CLEC2B: variants seen among roughly 807,000 people sequenced by gnomAD.
CLEC2B encodes the protein C-type (calcium dependent, carbohydrate-recognition domain) lectin, superfamily member 2 (activation-induced).
Under a neutral mutation model 16.2 loss-of-function variants are expected in CLEC2B, and 14 were observed. That is an observed-to-expected ratio of 0.86 (90% CI 0.57 to 1.35). The LOEUF (loss-of-function observed/expected upper bound fraction) is 1.35, where lower values mean the gene tolerates loss of function less well. Among genes scored for constraint, CLEC2B ranks in the 40% most tolerant of loss-of-function variants. The pLI is 0.00. For missense variants in CLEC2B, 166 were observed against 182.3 expected, an observed-to-expected ratio of 0.91 and a Z score of 0.52; for synonymous variants, 42 against 55.8, an observed-to-expected ratio of 0.75 and a Z score of 1.10.
At chr12:9,868,321 C>T (rs954852863) in intron 1 of CLEC2B, among the ~76,000 whole-genome samples, 10 of 152,030 alleles carry the variant, frequency 6.6e-5, no homozygotes, top group African/African-American at 1.2e-4. Flanking sequence ...TCTCATTCCC[C>T]GCAAACCTGT....
intron 2 of CLEC2B, among the ~76,000 whole-genome samples, chr12:9,860,226 A>G (rs924439665): frequency 7.2e-5 from 11 of 151,870 alleles, no homozygotes; most frequent in Admixed American, 5.3e-4. Flanking sequence ...TTATTTTCAG[A>G]TAATGTAAAT....
intron 2 of CLEC2B, among the ~76,000 whole-genome samples, chr12:9,860,745 A>G (rs1357733146): frequency 6.6e-6 from 1 of 151,950 alleles, no homozygotes; most frequent in Non-Finnish European, 1.5e-5. Flanking sequence ...ACAGAATGAT[A>G]TAGATACAAA....
Position 9,853,343 on chromosome 12 carries a change from C to T in CLEC2B, c.407G>A (p.Cys136Tyr). ...GCAAATCCATTTTCTTTCGGTGTAA[C>T]ATCTAGCTGTTGCTGCACCATCATC... is the stretch of plus-strand genomic sequence containing the variant. The part of the protein sequence containing the change: ...LSDDGAATAR[C>Y]YTERKWICRK... Residue 136 changes from cysteine to tyrosine, a missense_variant, in exon 5 of 5, where the codon TGT becomes TAT. Coordinates refer to ENST00000228438, the MANE Select transcript of CLEC2B (RefSeq NM_005127.3). The T allele has an allele frequency of 1.2e-6, 2 of 1,614,006 alleles. No individual in the cohort carries two copies. Among genetic ancestry groups the T allele is most frequent in the South Asian group, 1.1e-5 (1 of 91,078 alleles).
rs528131459 is a variant in CLEC2B, at chr12:9,868,390, T to C, written c.-3+815A>G. Among the ~76,000 whole-genome samples, 5 of 152,174 alleles carry C rather than the reference T, an allele frequency of 3.3e-5. No homozygotes were observed. The South Asian group carries it at 6.2e-4, about 19-fold the overall frequency. ...TTAAAATACGGGAGGAAGGATAAAG[T>C]GTGCATTCTATTGTACCACAGCAAT... On this transcript the variant is annotated intron_variant, in intron 1 of 4. Transcript: ENST00000228438.
At position 9,853,101 on chromosome 12, in the gene CLEC2B, A is replaced by C; in HGVS notation, c.*199T>G. ...AGAAAGAAAGAGAGAGAGAGAAAGAAAGAAAGAAAAAAACTCAGCAGAATA... is the reference window on the plus strand; with the variant it reads ...AGAAAGAAAGAGAGAGAGAGAAAGACAGAAAGAAAAAAACTCAGCAGAATA... On this transcript the variant is annotated 3_prime_UTR_variant, in exon 5 of 5. Coordinates refer to ENST00000228438, the MANE Select transcript of CLEC2B (RefSeq NM_005127.3). 1 of 377,506 alleles carries C rather than the reference A, an allele frequency of 2.6e-6. No individual in the cohort carries two copies. The allele number at this position is 377,506 out of a possible 1,614,324, so 23.4% of individuals were successfully genotyped here.
intron 2 of CLEC2B, among the ~76,000 whole-genome samples, chr12:9,860,794 A>T (rs186621079): frequency 5.3e-5 from 8 of 152,048 alleles, no homozygotes; most frequent in African/African-American, 1.7e-4. Flanking sequence ...ATAAAATTTT[A>T]GCAAAAATGA....
chr12:9,868,998 T>G (rs1867993898), intron 1 of CLEC2B, among the ~76,000 whole-genome samples: 1 of 152,154 alleles, frequency 6.6e-6, no homozygotes, highest in African/African-American at 2.4e-5. Context: ...GGTTAATCCT[T>G]CTCCATTGTA....
intron 1 of CLEC2B, among the ~76,000 whole-genome samples, chr12:9,866,624 T>C (rs896475875): frequency 3.9e-5 from 6 of 152,156 alleles, no homozygotes; most frequent in African/African-American, 1.4e-4. Context: ...GTAAAGATTA[T>C]TTACATTTGC....
chr12:9,859,727 C>A (rs982502045), intron 2 of CLEC2B, among the ~76,000 whole-genome samples: 11 of 151,694 alleles, frequency 7.3e-5, no homozygotes, highest in Non-Finnish European at 1.3e-4. Flanking sequence ...CACATCAATA[C>A]CTGATAATAG....
chr12:9,858,057 C>A (rs74623779), intron 2 of CLEC2B, among the ~76,000 whole-genome samples: 5,474 of 152,004 alleles, frequency 0.036, 127 homozygotes, highest in African/African-American at 0.058. Context: ...AAGCAAAATA[C>A]AAAATAAGTT....
rs762316141 is a variant in CLEC2B at position 9,853,358 on chromosome 12, G to A, written c.392C>T (p.Ala131Val). ...EGCAYLSDDGAATARCYTERK... is the reference protein window; with the variant it reads ...EGCAYLSDDGVATARCYTERK... ...TTCGGTGTAACATCTAGCTGTTGCT[G>A]CACCATCATCGCTGAGGTAGGCACA... Residue 131 changes from alanine (A) to valine (V), a missense_variant, in exon 5 of 5, where the codon GCA becomes GTA. Transcript: ENST00000228438. 4 of 1,613,870 alleles carry A rather than the reference G, an allele frequency of 2.5e-6. No homozygotes were observed. The highest frequency in any genetic ancestry group is 8.5e-7 in the Non-Finnish European group (1 of 1,179,950).
At chr12:9,858,129 G>A (rs1211160745) in intron 2 of CLEC2B, among the ~76,000 whole-genome samples, 1 of 152,090 alleles carries the variant, frequency 6.6e-6, no homozygotes, top group East Asian at 1.9e-4. Context: ...GCCAATGAAT[G>A]GAACTAACAT....
At chr12:9,853,854 T>G (rs1867872200) in intron 4 of CLEC2B, among the ~76,000 whole-genome samples, 1 of 152,176 alleles carries the variant, frequency 6.6e-6, no homozygotes, top group Non-Finnish European at 1.5e-5. Flanking sequence ...ATATCAGTAG[T>G]GTTTCTATTG....
chr12:9,864,327 G>GA (rs1263077920), intron 1 of CLEC2B, among the ~76,000 whole-genome samples: 2 of 151,668 alleles, frequency 1.3e-5, no homozygotes, highest in Non-Finnish European at 1.5e-5. Flanking sequence ...CAACCAAAAA[G>GA]AAAAAAACAC....
Position 9,869,237 on chromosome 12 carries a change from G to T in CLEC2B, c.-35C>A, listed in dbSNP as rs1867996333. On this transcript the variant is annotated 5_prime_UTR_variant, in exon 1 of 5. Coordinates refer to ENST00000228438, the MANE Select transcript of CLEC2B (RefSeq NM_005127.3). ...CTTTTAATCAGCGTTTTGATTTTCTGCTAGCAGCTTTGTGTCATGTCTTGC... is the reference window on the plus strand; with the variant it reads ...CTTTTAATCAGCGTTTTGATTTTCTTCTAGCAGCTTTGTGTCATGTCTTGC... 6.6e-6 allele frequency: 1 copy of T among 152,068 alleles called. No individual in the cohort carries two copies. Among genetic ancestry groups the T allele is most frequent in the African/African-American group, 2.4e-5 (1 of 41,412 alleles). 9.4% of individuals were successfully genotyped at this position (152,068 alleles called of 1,614,324 possible).
intron 2 of CLEC2B, among the ~76,000 whole-genome samples, chr12:9,860,967 C>T (rs1867928476): frequency 6.6e-6 from 1 of 151,700 alleles, no homozygotes; most frequent in African/African-American, 2.4e-5. Context: ...TTCAAGAGGA[C>T]TATATTTTGG....
rs1279534132 is a variant in CLEC2B at position 9,853,284 on chromosome 12, T to G, written c.*16A>C. ...TAATGTTATTTTCTATTTTCCCCATTATCTTAGACATTAACTTAGTGTATT... is the reference window on the plus strand; with the variant it reads ...TAATGTTATTTTCTATTTTCCCCATGATCTTAGACATTAACTTAGTGTATT... On this transcript the variant is annotated 3_prime_UTR_variant, in exon 5 of 5. Transcript: ENST00000228438. 1.3e-6 allele frequency: 2 copies of G among 1,533,658 alleles called. No homozygotes were observed. The highest frequency in any genetic ancestry group is 1.8e-6 in the Non-Finnish European group (2 of 1,107,314).
chr12:9,857,237 A>G, intron 3 of CLEC2B: 1 of 432,012 alleles, frequency 2.3e-6, no homozygotes, highest in East Asian at 4.5e-5. Flanking sequence ...TCTTCTGTGT[A>G]CACTCTTTAA....
At chr12:9,867,419 A>G (rs529903301) in intron 1 of CLEC2B, among the ~76,000 whole-genome samples, 2 of 152,226 alleles carry the variant, frequency 1.3e-5, no homozygotes, top group African/African-American at 4.8e-5. Context: ...CTTAATCTAT[A>G]TCGTGAACCC....
Sources: allele counts gnomAD v4.1 joint callset (sites outside exome capture counted in the v4.1 genomes callset), GRCh38; gene constraint gnomAD v4.1.1; transcripts MANE v1.5; gene names NCBI Gene and HGNC (gene_info 2026-07-23, HGNC 2026-07-21).